Variants in DIAPH1 observed in about 807,000 individuals in gnomAD.
DIAPH1 encodes diaphanous related formin 1.
Under a neutral mutation model 140.7 loss-of-function variants are expected in DIAPH1, and 46 were observed. That is an observed-to-expected ratio of 0.33 (90% CI 0.26 to 0.42). The LOEUF is 0.42. Ranked by LOEUF, DIAPH1 falls within the 10% of genes least tolerant of loss-of-function variation. DIAPH1 has a pLI of 1.00. For missense variants in DIAPH1, 1,310 were observed against 1,558.7 expected (o/e 0.84, Z 2.69); for synonymous variants, 565 against 551.6 (o/e 1.02, Z -0.34).
At chr5:141,524,112 C>T (rs1196082594) in intron 27 of DIAPH1, 31 bp downstream of exon 27, 10 of 1,601,734 alleles carry the variant, frequency 6.2e-6, no homozygotes, top group Non-Finnish European at 8.6e-6. Flanking sequence ...CCCCCTTCGA[C>T]ACCCAGGATG....
At chr5:141,580,653 G>A (rs2099896613) in intron 8 of DIAPH1, 91 bp downstream of exon 8, 25 of 1,322,108 alleles carry the variant, frequency 1.9e-5, no homozygotes, top group Non-Finnish European at 1.3e-5. Flanking sequence ...ATTTATGACC[G>A]AGAGGACACC....
Position 141,618,894 on chromosome 5 carries a change from G to T in DIAPH1, c.21C>A (p.Ser7Arg). The T allele has an allele frequency of 6.6e-7, 1 of 1,513,146 alleles. No individual in the cohort carries two copies. Among genetic ancestry groups the T allele is most frequent in the Non-Finnish European group, 8.8e-7 (1 of 1,130,278 alleles). The allele number at this position is 1,513,146 out of a possible 1,614,324, so 93.7% of individuals were successfully genotyped here. ...CCCGGGTCCCGCGGCCGGGCCCCAG[G>T]CTCCCGCCGGGCGGCTCCATGTCCC... The part of the protein sequence containing the change: MEPPGG[S>R]LGPGRGTRDK... The change falls in exon 1 of 28, where the codon AGC (serine) becomes AGA (arginine). Residue 7 changes from serine (S) to arginine (R), a missense_variant. Ser to Arg is a moderately radical substitution (Grantham distance 110). Transcript: ENST00000389054.
At chr5:141,521,772 T>C (rs773233650) in intron 27 of DIAPH1, among the ~76,000 whole-genome samples, 4 of 152,110 alleles carry the variant, frequency 2.6e-5, no homozygotes, top group Non-Finnish European at 4.4e-5. Context: ...AGTAGCTGCA[T>C]AGAGAAACCT....
Position 141,618,342 on chromosome 5 carries a change from G to A in DIAPH1, c.117+456C>T, listed in dbSNP as rs574778657. ...CGGGAGGAAAGTTAGCAGGTAAAAA[G>A]GATGAATCATGGAGAAGGAAGTGAC... On this transcript the variant is annotated intron_variant, in intron 1 of 27. Coordinates refer to ENST00000389054, the MANE Select transcript of DIAPH1 (RefSeq NM_005219.5). 318 of 153,522 alleles carry A rather than the reference G, an allele frequency of 2.1e-3. 3 individuals are homozygous for A. Among genetic ancestry groups the A allele is most frequent in the South Asian group, 6.4e-3 (34 of 5,292 alleles). 9.5% of individuals were successfully genotyped at this position (153,522 alleles called of 1,614,324 possible). A position where few individuals can be genotyped will look rare whatever the true frequency, so the allele number is the denominator to read the frequency against.
chr5:141,579,048 G>A (rs746366412), intron 9 of DIAPH1, 40 bp downstream of exon 9: 10 of 1,431,280 alleles, frequency 7.0e-6, no homozygotes, highest in South Asian at 2.3e-5. Flanking sequence ...TGTCCATCTT[G>A]AATTCTATTC....
chr5:141,567,039 G>C (rs758058680), intron 18 of DIAPH1, among the ~76,000 whole-genome samples: 5 of 152,228 alleles, frequency 3.3e-5, no homozygotes, highest in Non-Finnish European at 7.3e-5. Flanking sequence ...AGAGGGTACA[G>C]TGGACCAGTT....
chr5:141,618,720 G>C, intron 1 of DIAPH1, 78 bp downstream of exon 1: 1 of 1,077,620 alleles, frequency 9.3e-7, no homozygotes, highest in Non-Finnish European at 1.4e-6. Context: ...AAGCCGGGCA[G>C]GCGCCCCAGG....
intron 18 of DIAPH1, among the ~76,000 whole-genome samples, chr5:141,551,355 C>T (rs1400861742): frequency 1.2e-4 from 19 of 152,190 alleles, no homozygotes; most frequent in Admixed American, 6.5e-5. Flanking sequence ...ACTCAGAAGG[C>T]TGAGGTGAAA....
At chr5:141,533,951 A>G (rs1439337892) in intron 19 of DIAPH1, among the ~76,000 whole-genome samples, 5 of 147,012 alleles carry the variant, frequency 3.4e-5, no homozygotes, top group Non-Finnish European at 7.4e-5. Flanking sequence ...GAATCAACTG[A>G]GCCCAGGAAG....
At chr5:141,580,921 C>T (rs768502136) in intron 7 of DIAPH1, 38 bp from the exon 8 acceptor site, 60 of 1,613,818 alleles carry the variant, frequency 3.7e-5, no homozygotes, top group African/African-American at 8.0e-5. Context: ...GGCTGAAAGA[C>T]GAAAGCATCT....
chr5:141,616,541 C>T (rs1449244672), intron 1 of DIAPH1, among the ~76,000 whole-genome samples: 6 of 152,170 alleles, frequency 3.9e-5, no homozygotes, highest in Non-Finnish European at 7.3e-5. Flanking sequence ...CTCCACCCAC[C>T]CACGTATACA....
intron 17 of DIAPH1, 132 bp from the exon 18 acceptor site, chr5:141,571,568 C>G: frequency 1.3e-6 from 1 of 773,974 alleles, no homozygotes; most frequent in Non-Finnish European, 2.2e-6. Context: ...AAGACTCTTT[C>G]CAACCCTTAT....
chr5:141,573,776 G>T lies in DIAPH1; in HGVS notation c.2074C>A (p.Pro692Thr). ...ATTCCAGCACTCCCAGGCAAAGGAG[G>T]TGGTGGTGGGGGGATTCTAGCACTC... ...PGSARIPPPP[P>T]PLPGSAGIPP... is the part of the protein sequence containing the mutation. Residue 692 changes from proline to threonine, a missense_variant, in exon 16 of 28, where the codon CCT becomes ACT. Physicochemically the swap from Pro to Thr is conservative, Grantham distance 38 (BLOSUM62 -1). Transcript: ENST00000389054. 1 of 1,401,858 alleles carries T rather than the reference G, an allele frequency of 7.1e-7. No homozygotes were observed. The highest frequency in any genetic ancestry group is 9.5e-7 in the Non-Finnish European group (1 of 1,052,006). 86.8% of individuals were successfully genotyped at this position (1,401,858 alleles called of 1,614,324 possible).
intron 19 of DIAPH1, among the ~76,000 whole-genome samples, chr5:141,533,780 C>T (rs1198568812): frequency 1.3e-5 from 2 of 152,018 alleles, no homozygotes. Context: ...ATAGTAAGAA[C>T]TTTTAAATAA....
At position 141,578,226 on chromosome 5, in the gene DIAPH1, C is replaced by T; in HGVS notation, c.1162G>A (p.Asp388Asn). 6.2e-7 allele frequency: 1 copy of T among 1,609,878 alleles called. No individual in the cohort carries two copies. The highest frequency in any genetic ancestry group is 8.5e-7 in the Non-Finnish European group (1 of 1,176,132). ...GRLDDIRMEM[D>N]DFNEVFQILL... ...TGAACCTAGTCAGCAAAAGGATATT[C>T]CATCTCCATGCGAATGTCATCCAGC... The change falls in exon 11 of 28, where the codon GAT becomes AAT. Residue 388 changes from aspartate to asparagine, a missense_variant and splice_region_variant. Asp to Asn is a conservative substitution (Grantham distance 23). Coordinates refer to ENST00000389054, the MANE Select transcript of DIAPH1 (RefSeq NM_005219.5).
chr5:141,588,362 C>T (rs574928997), intron 1 of DIAPH1, 112 bp from the exon 2 acceptor site: 3 of 783,334 alleles, frequency 3.8e-6, no homozygotes, highest in Admixed American at 2.0e-5. Context: ...TTGAAAGGAT[C>T]CAAGCTACTT....
Position 141,576,305 on chromosome 5 carries a change from G to A in DIAPH1, c.1397-11C>T. ...TATCAATCATTTGATCTGAAAAGAA[G>A]AAGAGTCAGTAAGTAAAGCTCCTAA... On this transcript the variant is annotated splice_polypyrimidine_tract_variant and intron_variant, in intron 13 of 27. Coordinates refer to ENST00000389054, the MANE Select transcript of DIAPH1 (RefSeq NM_005219.5). The A allele has an allele frequency of 6.2e-7, 1 of 1,607,826 alleles. No individual in the cohort carries two copies.
intron 1 of DIAPH1, among the ~76,000 whole-genome samples, chr5:141,589,462 G>A (rs923843311): frequency 6.6e-6 from 1 of 152,160 alleles, no homozygotes; most frequent in Non-Finnish European, 1.5e-5. Context: ...TGGTATATTG[G>A]TACAAGGAAA....
chr5:141,542,771 T>C (rs1347567779), intron 18 of DIAPH1, among the ~76,000 whole-genome samples: 1 of 152,222 alleles, frequency 6.6e-6, no homozygotes, highest in Admixed American at 6.5e-5. Context: ...TGGAACTGGA[T>C]AGATATGATG....
Sources: gnomAD v4.1 joint callset for allele counts (sites outside exome capture counted in the v4.1 genomes callset) on GRCh38, gnomAD v4.1.1 for gene constraint, MANE v1.5 for transcripts, NCBI Gene and HGNC (gene_info 2026-07-23, HGNC 2026-07-21) for gene names.